The following IQCK variants were observed in gnomAD, a reference collection of about 807,000 sequenced individuals.
The protein encoded by IQCK is IQ motif containing K.
A neutral mutation model predicts 28.1 loss-of-function variants in IQCK; 29 were observed. The ratio of observed to expected loss-of-function variants is 1.03; its 90% CI spans 0.77 to 1.41. The LOEUF is 1.41. Ranked by LOEUF, IQCK falls within the 40% of genes most tolerant of loss-of-function variation. The pLI, the probability that IQCK is intolerant of heterozygous loss-of-function variation, is 0.00. For synonymous variants in IQCK, 113 were observed against 115.1 expected (o/e 0.98, Z 0.12); for missense variants, 359 against 314.7 (o/e 1.14, Z -1.07).
intron 4 of IQCK, 83 bp from the exon 5 acceptor site, chr16:19,763,765 A>G (rs2055186052): frequency 9.4e-7 from 1 of 1,065,514 alleles, no homozygotes; most frequent in Admixed American, 1.8e-5. Flanking sequence ...TATTGAAAAA[A>G]GTCATGTATA....
At chr16:19,758,607 C>T (rs2055087758) in intron 4 of IQCK, among the ~76,000 whole-genome samples, 1 of 152,156 alleles carries the variant, frequency 6.6e-6, no homozygotes, top group Non-Finnish European at 1.5e-5. Flanking sequence ...GCAATTCAGG[C>T]TAGTTACATA....
At chr16:19,735,915 A>T in intron 4 of IQCK, 1 of 331,980 alleles carries the variant, frequency 3.0e-6, no homozygotes, top group Non-Finnish European at 5.9e-6. Context: ...TTTTTTTTTA[A>T]ATTAGCTAGG....
intron 9 of IQCK, among the ~76,000 whole-genome samples, chr16:19,839,884 G>T (rs1176912329): frequency 1.3e-5 from 2 of 152,020 alleles, no homozygotes; most frequent in Non-Finnish European, 2.9e-5. Context: ...AGACCCAGCT[G>T]CTCAGGAGGC....
chr16:19,843,692 T>C (rs900917253), intron 9 of IQCK, among the ~76,000 whole-genome samples: 1 of 152,218 alleles, frequency 6.6e-6, no homozygotes, highest in Non-Finnish European at 1.5e-5. Flanking sequence ...GGTCAGGTTC[T>C]AGTGAGGGCT....
At chr16:19,807,694 T>G (rs1282204703) in intron 7 of IQCK, among the ~76,000 whole-genome samples, 2 of 152,198 alleles carry the variant, frequency 1.3e-5, no homozygotes, top group Non-Finnish European at 2.9e-5. Flanking sequence ...TAATCCTGGC[T>G]TGCCAACAAT....
chr16:19,735,450 G>A, exon 4 of IQCK: 1 of 1,602,740 alleles, frequency 6.2e-7, no homozygotes, highest in East Asian at 2.2e-5. Context: ...AATGTTTTGA[G>A]GTCAGTTGTT....
intron 6 of IQCK, among the ~76,000 whole-genome samples, chr16:19,768,779 C>T (rs565058830): frequency 6.6e-6 from 1 of 152,212 alleles, no homozygotes; most frequent in South Asian, 2.1e-4. Flanking sequence ...AAAAATATAT[C>T]TCCACCACTT....
rs1163809152 is a variant in IQCK at position 19,746,153 on chromosome 16, CAAAAAAAAAA to C, written c.474+10714_474+10723del. On this transcript the variant is annotated intron_variant, in intron 4 of 7. Coordinates refer to ENST00000564186, the Ensembl canonical transcript of IQCK. Reference sequence around the variant, plus strand: ...TGGGGGACAGAGTGAGACTATGTCTCAAAAAAAAAAAAAAAAAAAAGAGTCTAGCTTCATT... The same window carrying C: ...TGGGGGACAGAGTGAGACTATGTCTCAAAAAAAAAAGAGTCTAGCTTCATT... Among the ~76,000 whole-genome samples, 90 of 57,948 alleles carry C rather than the reference CAAAAAAAAAA, an allele frequency of 1.6e-3. 2 individuals carry two copies. The highest frequency in any genetic ancestry group is 0.011 in the Admixed American group (62 of 5,724). 38.0% of individuals were successfully genotyped at this position (57,948 alleles called of 152,430 possible). A position where few individuals can be genotyped will look rare whatever the true frequency, so the allele number is the denominator to read the frequency against.
At chr16:19,762,765 A>G (rs1418494437) in intron 4 of IQCK, among the ~76,000 whole-genome samples, 2 of 152,200 alleles carry the variant, frequency 1.3e-5, no homozygotes, top group African/African-American at 4.8e-5. Flanking sequence ...CTGTAATCCC[A>G]GCACTTTGGG....
exon 1 of IQCK, chr16:19,718,423 G>A: frequency 6.2e-7 from 1 of 1,607,358 alleles, no homozygotes; most frequent in Non-Finnish European, 8.5e-7. Context: ...CCCGCGAGCT[G>A]CCTGTCTCGT....
exon 2 of IQCK, chr16:19,730,482 G>C: frequency 6.2e-7 from 1 of 1,607,898 alleles, no homozygotes; most frequent in Non-Finnish European, 8.5e-7. Flanking sequence ...TCAAACAGGA[G>C]CCTGTGATTA....
intron 9 of IQCK, among the ~76,000 whole-genome samples, chr16:19,846,610 G>A (rs2056417792): frequency 6.6e-6 from 1 of 152,162 alleles, no homozygotes; most frequent in South Asian, 2.1e-4. Flanking sequence ...GCTCATTCAA[G>A]GCTGTCACGT....
At chr16:19,759,296 C>G (rs1321970208) in intron 4 of IQCK, among the ~76,000 whole-genome samples, 1 of 152,102 alleles carries the variant, frequency 6.6e-6, no homozygotes, top group African/African-American at 2.4e-5. Flanking sequence ...GCAACCTCCG[C>G]CTCCCAGGTT....
downstream of IQCK, among the ~76,000 whole-genome samples, chr16:19,828,745 C>T (rs947156027): frequency 2.2e-4 from 33 of 148,742 alleles, no homozygotes; most frequent in Non-Finnish European, 3.4e-4. Flanking sequence ...GGCATGGTGG[C>T]GGGCACCTGT....
At chr16:19,826,295 C>A (rs964158021) in intron 7 of IQCK, among the ~76,000 whole-genome samples, 1 of 152,152 alleles carries the variant, frequency 6.6e-6, no homozygotes, top group Non-Finnish European at 1.5e-5. Flanking sequence ...AGGCATGAGT[C>A]ACCATGCCCA....
At chr16:19,783,853 G>A (rs2055527129) in intron 6 of IQCK, among the ~76,000 whole-genome samples, 1 of 152,130 alleles carries the variant, frequency 6.6e-6, no homozygotes, top group African/African-American at 2.4e-5. Context: ...TGGAGATGTC[G>A]TTGTGATGCA....
downstream of IQCK, chr16:19,827,248 C>A: frequency 1.4e-6 from 1 of 718,018 alleles, no homozygotes; most frequent in Non-Finnish European, 2.5e-6. Flanking sequence ...CTGCATGGAA[C>A]TCAGCTTGTG....
At chr16:19,823,094 G>A (rs529197584) in intron 7 of IQCK, among the ~76,000 whole-genome samples, 1 of 152,188 alleles carries the variant, frequency 6.6e-6, no homozygotes, top group Admixed American at 6.5e-5. Context: ...CTAAGATGGT[G>A]GATGTGTGGG....
chr16:19,840,072 A>G (rs2056347150), intron 9 of IQCK, among the ~76,000 whole-genome samples: 1 of 152,004 alleles, frequency 6.6e-6, no homozygotes, highest in Non-Finnish European at 1.5e-5. Flanking sequence ...GCTTACATAT[A>G]ATATATAAAT....
Sources: gnomAD v4.1 joint callset for allele counts (sites outside exome capture counted in the v4.1 genomes callset) on GRCh38, gnomAD v4.1.1 for gene constraint, MANE v1.5 for transcripts, NCBI Gene and HGNC (gene_info 2026-07-23, HGNC 2026-07-21) for gene names.